COL4A4: variants seen among roughly 807,000 people sequenced by gnomAD.
The protein encoded by COL4A4 is collagen type IV alpha 4 chain, also known as collagen alpha-4(IV) chain.
Under a neutral mutation model 192.9 loss-of-function variants are expected in COL4A4, and 105 were observed. The observed-to-expected ratio is 0.54, with a 90% CI of 0.46 to 0.64. The LOEUF is 0.64. COL4A4 is among the 30% of genes least tolerant of loss of function. COL4A4 has a pLI of 0.00. For synonymous variants in COL4A4, 762 were observed against 769.9 expected (o/e 0.99, Z 0.17); for missense variants, 1,967 against 2,169.3 (o/e 0.91, Z 1.85).
At chr2:227,138,133 A>AAATAATAGTAATAAT (rs2062939664) in intron 4 of COL4A4, among the ~76,000 whole-genome samples, 1 of 147,118 alleles carries the variant, frequency 6.8e-6, no homozygotes, top group Non-Finnish European at 1.5e-5. Context: ...CCACCTCTAC[A>AAATAATAGTAATAAT]AATAATAATA....
intron 41 of COL4A4, among the ~76,000 whole-genome samples, chr2:227,029,197 G>A (rs1245946769): frequency 6.6e-6 from 1 of 152,120 alleles, no homozygotes; most frequent in Non-Finnish European, 1.5e-5. Flanking sequence ...TAGATCACTG[G>A]TATTCATATG....
chr2:227,040,323 T>A (rs906344444), intron 37 of COL4A4, among the ~76,000 whole-genome samples: 4 of 152,150 alleles, frequency 2.6e-5, no homozygotes, highest in African/African-American at 9.7e-5. Context: ...CCATCAGCTG[T>A]TGGTTCAGAT....
chr2:227,134,910 A>G (rs1434121172), intron 4 of COL4A4, among the ~76,000 whole-genome samples: 1 of 152,214 alleles, frequency 6.6e-6, no homozygotes, highest in East Asian at 1.9e-4. Context: ...TATGGGGAAA[A>G]AACTGTGGAC....
At chr2:227,103,296 C>T (rs2060629786) in intron 13 of COL4A4, 99 bp from the exon 14 acceptor site, 1 of 949,778 alleles carries the variant, frequency 1.1e-6, no homozygotes, top group South Asian at 1.5e-5. Context: ...TCTGTTTCAC[C>T]TTAAAAAAAA....
chr2:227,008,003 G>A lies in COL4A4; in HGVS notation c.4809+15C>T. On this transcript the variant is annotated intron_variant, in intron 47 of 47. Coordinates refer to ENST00000396625, the MANE Select transcript of COL4A4 (RefSeq NM_000092.5). ...ATGGTGAATGAGCCAGGGTTTTCAAGGGCACGGGACTCACCATCAGGAATG... is the reference window on the plus strand; with the variant it reads ...ATGGTGAATGAGCCAGGGTTTTCAAAGGCACGGGACTCACCATCAGGAATG... The A allele has an allele frequency of 1.2e-6, 2 of 1,606,694 alleles. No individual in the cohort carries two copies. The highest frequency in any genetic ancestry group is 1.7e-6 in the Non-Finnish European group (2 of 1,179,852).
intron 20 of COL4A4, among the ~76,000 whole-genome samples, chr2:227,090,536 G>A (rs1287056076): frequency 6.6e-6 from 1 of 152,010 alleles, no homozygotes; most frequent in Non-Finnish European, 1.5e-5. Context: ...ATTGCTTGAG[G>A]TCAGGAGTTT....
Position 227,114,621 on chromosome 2 carries a change from T to C in COL4A4, c.558+7A>G. ...ATTTTTTAACCCATCATGATCATAA[T>C]ACTTACCTGAATACCTTTAACGGCA... On this transcript the variant is annotated splice_region_variant and intron_variant, in intron 8 of 47. Transcript: ENST00000396625. 1.2e-6 allele frequency: 2 copies of C among 1,612,950 alleles called. No homozygotes were observed. The highest frequency in any genetic ancestry group is 1.7e-6 in the Non-Finnish European group (2 of 1,178,934).
intron 8 of COL4A4, among the ~76,000 whole-genome samples, chr2:227,113,656 C>T (rs2061342951): frequency 1.3e-5 from 2 of 152,096 alleles, no homozygotes; most frequent in South Asian, 4.1e-4. Context: ...CTAGAATGAC[C>T]CTGCTGTTGA....
chr2:227,063,329 T>C (rs1187003891), intron 25 of COL4A4, among the ~76,000 whole-genome samples: 2 of 152,208 alleles, frequency 1.3e-5, no homozygotes, highest in Non-Finnish European at 2.9e-5. Context: ...GGAATTTTTC[T>C]CTTTTATATT....
At chr2:227,001,585 G>T (rs554027827), downstream of COL4A4, among the ~76,000 whole-genome samples, 20 of 152,284 alleles carry the variant, frequency 1.3e-4, no homozygotes, top group South Asian at 3.9e-3. Flanking sequence ...GGGGAAAGCC[G>T]CTGGGAGGTA....
rs1467555264 is a variant in COL4A4, at chr2:227,012,265, T to A, written c.4249A>T (p.Arg1417Trp). ...GACCCAGGGACGCCATCCACACCCC[T>A]CCTGCCATCCAGCCCAGGCTCTCCT... ...CKGEPGLDGR[R>W]GVDGVPGSPG... The change falls in exon 45 of 48, where the codon AGG becomes TGG. Residue 1417 changes from arginine to tryptophan, a missense_variant. By Grantham distance (101) the Arg-to-Trp change is moderately radical. Coordinates refer to ENST00000396625, the MANE Select transcript of COL4A4 (RefSeq NM_000092.5). The A allele has an allele frequency of 8.1e-6, 13 of 1,614,010 alleles. No homozygotes were observed. The highest frequency in any genetic ancestry group is 9.3e-6 in the Non-Finnish European group (11 of 1,179,964).
At chr2:226,970,052 C>G in the COL4A4 span, among the ~76,000 whole-genome samples, 1 of 134,350 alleles carries the variant, frequency 7.4e-6, no homozygotes, top group African/African-American at 2.8e-5. Context: ...ACATCGTCAT[C>G]CCAGCCCTCT....
intron 1 of COL4A4, among the ~76,000 whole-genome samples, chr2:227,151,849 C>T (rs1478297744): frequency 1.3e-5 from 2 of 152,214 alleles, no homozygotes; most frequent in East Asian, 1.9e-4. Flanking sequence ...AAGCAGCCTG[C>T]ACCAGACACT....
rs2060598609 is a variant in COL4A4, at chr2:227,102,847, C to T, written c.872G>A (p.Gly291Glu). The T allele has an allele frequency of 5.0e-6, 8 of 1,612,886 alleles. No homozygotes were observed. Among genetic ancestry groups the T allele is most frequent in the Non-Finnish European group, 6.8e-6 (8 of 1,179,048 alleles). Residue 291 changes from glycine (G) to glutamate (E), a missense_variant and splice_region_variant, in exon 15 of 48, where the codon GGA becomes GAA. Gly to Glu is a moderately conservative substitution (Grantham distance 98). Coordinates refer to ENST00000396625, the MANE Select transcript of COL4A4 (RefSeq NM_000092.5). ...TCCTTTTGCCCCAATACCAGATTCT[C>T]CCTTTAAGAGATGACAACATTTAGA... ...VGLPGPPGRKGESGIGAKGEK... is the reference protein window; with the variant it reads ...VGLPGPPGRKEESGIGAKGEK...
At chr2:227,070,691 G>A (rs1272576656) in intron 25 of COL4A4, among the ~76,000 whole-genome samples, 2 of 136,582 alleles carry the variant, frequency 1.5e-5, no homozygotes, top group African/African-American at 2.7e-5. Flanking sequence ...GACACAGGAA[G>A]GGGAACATCA....
At chr2:227,164,374 C>G (rs1408170889), upstream of COL4A4, 4 of 393,642 alleles carry the variant, frequency 1.0e-5, no homozygotes, top group African/African-American at 6.6e-5. This position sits in a 1 kb window ranked among gnomAD's most constrained non-coding sequence, Gnocchi z 4.8. Context: ...ACCTTGGGAG[C>G]ATCACCTCCT....
chr2:227,102,685 C>A, intron 15 of COL4A4, 104 bp downstream of exon 15: 3 of 930,894 alleles, frequency 3.2e-6, no homozygotes, highest in South Asian at 1.3e-5. Context: ...CTTACATGAG[C>A]TATTCTTCAC....
chr2:227,070,659 A>T (rs2058660668), intron 25 of COL4A4, among the ~76,000 whole-genome samples: 1 of 145,550 alleles, frequency 6.9e-6, no homozygotes, highest in Non-Finnish European at 1.5e-5. Flanking sequence ...CATAGGTGGG[A>T]ATTGAACAAT....
chr2:227,060,846 G>A (rs1976800524), intron 26 of COL4A4, among the ~76,000 whole-genome samples: 1 of 150,916 alleles, frequency 6.6e-6, no homozygotes. Flanking sequence ...TCCTGCCTCA[G>A]CCTCCCAAGT....
Sources: allele counts gnomAD v4.1 joint callset (sites outside exome capture counted in the v4.1 genomes callset), GRCh38; gene constraint gnomAD v4.1.1; non-coding constraint Gnocchi (gnomAD v3.1); transcripts MANE v1.5; gene names NCBI Gene and HGNC (gene_info 2026-07-23, HGNC 2026-07-21).